ZBED3: variants seen among roughly 807,000 people sequenced by gnomAD.
The protein encoded by ZBED3 is zinc finger BED domain-containing protein 3.
For missense variants in ZBED3, 388 were observed against 362.9 expected, an observed-to-expected ratio of 1.07 and a Z score of -0.56; for synonymous variants, 175 against 180.0, an observed-to-expected ratio of 0.97 and a Z score of 0.22.
chr5:77,082,468 A>G (rs1743147989), intron 1 of ZBED3, among the ~76,000 whole-genome samples: 1 of 152,190 alleles, frequency 6.6e-6, no homozygotes, highest in African/African-American at 2.4e-5. Flanking sequence ...TATATAACAT[A>G]TGTTCATACC....
At chr5:77,084,067 C>G (rs1183164456) in intron 1 of ZBED3, among the ~76,000 whole-genome samples, 1 of 152,210 alleles carries the variant, frequency 6.6e-6, no homozygotes, top group Non-Finnish European at 1.5e-5. Context: ...TCCATTCACT[C>G]CATCCAACTC....
In ZBED3 at chr5:77,077,292, A is replaced by AGCCGCGCCT. The variant is rs1743030866; in HGVS notation, c.578_586dup (p.Gln193_Arg195dup). ...GCCCTCACGGCGGCTCACATCCCGCAGCCGCGCCTGCAGCGCCTCCCGCTC... is the reference window on the plus strand; with the variant it reads ...GCCCTCACGGCGGCTCACATCCCGCAGCCGCGCCTGCCGCGCCTGCAGCGCCTCCCGCTC... On this transcript the variant is annotated inframe_insertion, in exon 3 of 3. Transcript: ENST00000255198. The AGCCGCGCCT allele has an allele frequency of 7.3e-7, 1 of 1,366,818 alleles. No homozygotes were observed. The highest frequency in any genetic ancestry group is 1.7e-5 in the South Asian group (1 of 59,046). The allele number at this position is 1,366,818 out of a possible 1,614,324, so 84.7% of individuals were successfully genotyped here.
Position 77,081,894 on chromosome 5 carries a change from C to T in ZBED3, c.-152-3166G>A, listed in dbSNP as rs117925694. ...TCACATAGTCTCTGCCCTCAGGAAG[C>T]GTACCATCTGGTGGGGAAAGAGATG... On this transcript the variant is annotated intron_variant, in intron 1 of 2. Transcript: ENST00000255198. Among the ~76,000 whole-genome samples the T allele has an allele frequency of 1.5e-3, 234 of 152,232 alleles. 4 individuals carry two copies. In the East Asian group the frequency reaches 0.038, roughly 24 times the overall value.
At chr5:77,082,123 T>C (rs1743139670) in intron 1 of ZBED3, among the ~76,000 whole-genome samples, 1 of 151,960 alleles carries the variant, frequency 6.6e-6, no homozygotes, top group Non-Finnish European at 1.5e-5. Flanking sequence ...AAAAATTAGC[T>C]GGGCATGGTG....
chr5:77,077,087 C>A lies in ZBED3; in HGVS notation c.*87G>T. 9.5e-7 allele frequency: 1 copy of A among 1,054,742 alleles called. No homozygotes were observed. Among genetic ancestry groups the A allele is most frequent in the Non-Finnish European group, 1.2e-6 (1 of 815,180 alleles). The allele number at this position is 1,054,742 out of a possible 1,614,324, so 65.3% of individuals were successfully genotyped here. The stretch of plus-strand genomic sequence containing the variant: ...TGAGTAGCGGCTGCGGGCCTGGCTT[C>A]GGTTACGGCTTCGGTCCCAGCGGGG... On this transcript the variant is annotated 3_prime_UTR_variant, in exon 3 of 3. Transcript: ENST00000255198.
chr5:77,078,257 A>G (rs1743066452), intron 2 of ZBED3, among the ~76,000 whole-genome samples: 1 of 151,672 alleles, frequency 6.6e-6, no homozygotes, highest in South Asian at 2.1e-4. Flanking sequence ...CTTAATAACA[A>G]CAACGACAAC....
chr5:77,084,840 G>C (rs182524444), intron 1 of ZBED3, among the ~76,000 whole-genome samples: 1 of 152,300 alleles, frequency 6.6e-6, no homozygotes, highest in Admixed American at 6.5e-5. Context: ...CAGTTCCTCA[G>C]TTGTATAACG....
At chr5:77,078,010 T>G in intron 2 of ZBED3, 115 bp from the exon 3 acceptor site, 4 of 685,390 alleles carry the variant, frequency 5.8e-6, no homozygotes, top group Non-Finnish European at 6.1e-6. Flanking sequence ...GAAAAGCCTA[T>G]AGTGTGTGTA....
chr5:77,072,685 T>C lies in ZBED3; in HGVS notation c.*4489A>G, dbSNP rs776166506. 1.3e-5 allele frequency: 2 copies of C among 152,190 alleles called. No homozygotes were observed. The highest frequency in any genetic ancestry group is 2.9e-5 in the Non-Finnish European group (2 of 68,026). The allele number at this position is 152,190 out of a possible 1,614,324, so 9.4% of individuals were successfully genotyped here. On this transcript the variant is annotated 3_prime_UTR_variant, in exon 3 of 3. Coordinates refer to ENST00000255198, the MANE Select transcript of ZBED3 (RefSeq NM_032367.4). ...AGCAGGTCATTTGGCAACTATTTGA[T>C]AGAAAAATATTTAATAGTATTTATC...
In ZBED3 at chr5:77,077,340, T is replaced by C. The variant is rs565365861; in HGVS notation, c.539A>G (p.Gln180Arg). The change falls in exon 3 of 3, where the codon CAG becomes CGG. Residue 180 changes from glutamine (Q) to arginine (R), a missense_variant. Gln to Arg is a conservative substitution (Grantham distance 43). Coordinates refer to ENST00000255198, the MANE Select transcript of ZBED3 (RefSeq NM_032367.4). The part of the protein sequence containing the change: ...ALQEEERAAA[Q>R]ARRELQAERE... ...CTCGGCCTGCAGTTCCCGGCGCGCC[T>C]GGGCCGCGGCGCGCTCTTCCTCCTG... 1.8e-4 allele frequency: 226 copies of C among 1,258,088 alleles called. No individual in the cohort carries two copies. Among genetic ancestry groups the C allele is most frequent in the Non-Finnish European group, 2.0e-4 (200 of 1,007,416 alleles). 77.9% of individuals were successfully genotyped at this position (1,258,088 alleles called of 1,614,324 possible).
intron 1 of ZBED3, among the ~76,000 whole-genome samples, chr5:77,081,172 A>G (rs531339116): frequency 4.2e-4 from 64 of 152,338 alleles, no homozygotes; most frequent in African/African-American, 1.5e-3. Flanking sequence ...GGGAAATGCT[A>G]TTAAAGTAGC....
chr5:77,083,928 C>G (rs1316520442), intron 1 of ZBED3, among the ~76,000 whole-genome samples: 1 of 152,122 alleles, frequency 6.6e-6, no homozygotes, highest in African/African-American at 2.4e-5. Context: ...TTACCAAATA[C>G]CCAATGAGAA....
In ZBED3 at chr5:77,073,263, G is replaced by A. The variant is rs1337101817; in HGVS notation, c.*3911C>T. 1 of 152,140 alleles carries A rather than the reference G, an allele frequency of 6.6e-6. No homozygotes were observed. Among genetic ancestry groups the A allele is most frequent in the Non-Finnish European group, 1.5e-5 (1 of 68,030 alleles). The allele number at this position is 152,140 out of a possible 1,614,324, so 9.4% of individuals were successfully genotyped here. Reference sequence around the variant, plus strand: ...TAGCCATCTTTGAGGGAGTAGTTAAGATTCTAAATCCTTTCCTATGTTTTA... The same window carrying A: ...TAGCCATCTTTGAGGGAGTAGTTAAAATTCTAAATCCTTTCCTATGTTTTA... On this transcript the variant is annotated 3_prime_UTR_variant, in exon 3 of 3. Coordinates refer to ENST00000255198, the MANE Select transcript of ZBED3 (RefSeq NM_032367.4).
chr5:77,084,079 C>T (rs1184014272), intron 1 of ZBED3, among the ~76,000 whole-genome samples: 1 of 152,248 alleles, frequency 6.6e-6, no homozygotes, highest in East Asian at 1.9e-4. Flanking sequence ...ATCCAACTCT[C>T]ATTCAAATGC....
chr5:77,077,673 C>A lies in ZBED3; in HGVS notation c.206G>T (p.Cys69Phe). The A allele has an allele frequency of 7.2e-7, 1 of 1,382,032 alleles. No homozygotes were observed. The highest frequency in any genetic ancestry group is 1.6e-5 in the South Asian group (1 of 62,246). The allele number at this position is 1,382,032 out of a possible 1,614,324, so 85.6% of individuals were successfully genotyped here. ...PGHPSGHWATCRLCGEQVGRG... is the reference protein window; with the variant it reads ...PGHPSGHWATFRLCGEQVGRG... ...GCCCACCTGCTCCCCGCACAGACGGCAGGTGGCCCAGTGGCCCGACGGATG... is the reference window on the plus strand; with the variant it reads ...GCCCACCTGCTCCCCGCACAGACGGAAGGTGGCCCAGTGGCCCGACGGATG... The change falls in exon 3 of 3, where the codon TGC (cysteine) becomes TTC (phenylalanine). Residue 69 changes from cysteine (C) to phenylalanine (F), a missense_variant. Coordinates refer to ENST00000255198, the MANE Select transcript of ZBED3 (RefSeq NM_032367.4).
intron 1 of ZBED3, among the ~76,000 whole-genome samples, chr5:77,086,138 A>G (rs1356907229): frequency 1.3e-5 from 2 of 152,238 alleles, no homozygotes; most frequent in Admixed American, 1.3e-4. Flanking sequence ...CTTAATAGAT[A>G]TGGTCCTAAA....
chr5:77,077,454 C>A lies in ZBED3; in HGVS notation c.425G>T (p.Arg142Leu). The A allele has an allele frequency of 8.3e-7, 1 of 1,210,014 alleles. No homozygotes were observed. Among genetic ancestry groups the A allele is most frequent in the Non-Finnish European group, 1.0e-6 (1 of 973,560 alleles). 75.0% of individuals were successfully genotyped at this position (1,210,014 alleles called of 1,614,324 possible). ...LLEQMGALAVRGSRRERELER... is the reference protein window; with the variant it reads ...LLEQMGALAVLGSRRERELER... ...CAGCTCCCGCTCCCGCCGGCTGCCG[C>A]GCACGGCCAGCGCGCCCATCTGTTC... is the stretch of plus-strand genomic sequence containing the variant. The change falls in exon 3 of 3, where the codon CGC (arginine) becomes CTC (leucine). Residue 142 changes from arginine to leucine, a missense_variant. Physicochemically the swap from Arg to Leu is moderately radical, Grantham distance 102 (BLOSUM62 -2). Transcript: ENST00000255198.
chr5:77,079,080 C>T (rs1220454183), intron 1 of ZBED3: 3 of 152,128 alleles, frequency 2.0e-5, no homozygotes, highest in Admixed American at 2.0e-4. Context: ...TAATTCACTA[C>T]TGCAATAACC....
Position 77,083,881 on chromosome 5 carries a change from T to G in ZBED3, c.-153+3230A>C, listed in dbSNP as rs115317976. On this transcript the variant is annotated intron_variant, in intron 1 of 2. Transcript: ENST00000255198. ...GGGTAAAATAAGATAATGGGGAGGTTTAATTAGCCAAAGCCCTGTGATAAC... is the reference window on the plus strand; with the variant it reads ...GGGTAAAATAAGATAATGGGGAGGTGTAATTAGCCAAAGCCCTGTGATAAC... Among the ~76,000 whole-genome samples, 1,088 of 152,300 alleles carry G rather than the reference T, an allele frequency of 7.1e-3. 8 individuals carry two copies. The highest frequency in any genetic ancestry group is 0.011 in the Non-Finnish European group (721 of 68,020).
Sources: allele counts gnomAD v4.1 joint callset (sites outside exome capture counted in the v4.1 genomes callset), GRCh38; gene constraint gnomAD v4.1.1; transcripts MANE v1.5; gene names NCBI Gene and HGNC (gene_info 2026-07-23, HGNC 2026-07-21).